Variants in RAB38 observed in about 807,000 individuals in gnomAD.
RAB38 encodes the protein ras-related protein Rab-38.
A neutral mutation model predicts 18.4 loss-of-function variants in RAB38; 15 were observed. The observed-to-expected ratio is 0.82, with a 90% CI of 0.55 to 1.26. RAB38 has a LOEUF of 1.26. Ranked by LOEUF, RAB38 falls within the 50% of genes most tolerant of loss-of-function variation. The pLI is 0.00. For synonymous variants in RAB38, 101 were observed against 104.4 expected (o/e 0.97, Z 0.20); for missense variants, 294 against 267.4 (o/e 1.10, Z -0.69).
the RAB38 span, among the ~76,000 whole-genome samples, chr11:87,948,679 T>C: frequency 7.3e-6 from 1 of 136,608 alleles, no homozygotes; most frequent in Non-Finnish European, 1.6e-5. Context: ...TTTGGTTCTG[T>C]TTATATGCTG....
chr11:87,959,829 A>G, the RAB38 span, among the ~76,000 whole-genome samples: 1 of 152,220 alleles, frequency 6.6e-6, no homozygotes, highest in Non-Finnish European at 1.5e-5. Flanking sequence ...GGGGCAGGGT[A>G]TCACGTCAGA....
At chr11:87,872,295 T>C in the RAB38 span, among the ~76,000 whole-genome samples, 1 of 151,568 alleles carries the variant, frequency 6.6e-6, no homozygotes, top group Non-Finnish European at 1.5e-5. Flanking sequence ...TCCTATAGAC[T>C]ATATTTTTAG....
chr11:87,974,762 A>G, the RAB38 span, among the ~76,000 whole-genome samples: 4 of 151,786 alleles, frequency 2.6e-5, no homozygotes, highest in African/African-American at 9.7e-5. Flanking sequence ...ATTATTATAT[A>G]AATTACAGCT....
chr11:88,173,381 G>A (rs1358514600), intron 1 of RAB38, among the ~76,000 whole-genome samples: 1 of 152,116 alleles, frequency 6.6e-6, no homozygotes, highest in Non-Finnish European at 1.5e-5. Flanking sequence ...TACAAGTAAG[G>A]AAACCAAAAC....
chr11:88,029,468 C>T, the RAB38 span, among the ~76,000 whole-genome samples: 2 of 152,224 alleles, frequency 1.3e-5, no homozygotes, highest in South Asian at 2.1e-4. Context: ...CATCAGTGTG[C>T]GGTATTCAGG....
the RAB38 span, among the ~76,000 whole-genome samples, chr11:87,971,327 T>A: frequency 6.6e-6 from 1 of 152,036 alleles, no homozygotes; most frequent in African/African-American, 2.4e-5. Flanking sequence ...AGGAAGAACA[T>A]TGCTTCAAGG....
the RAB38 span, among the ~76,000 whole-genome samples, chr11:87,819,335 C>G: frequency 2.6e-5 from 4 of 152,118 alleles, no homozygotes; most frequent in Non-Finnish European, 1.5e-5. Flanking sequence ...CACTGCAGCA[C>G]TGCAGATGTA....
At chr11:87,810,474 T>C in the RAB38 span, among the ~76,000 whole-genome samples, 5 of 152,330 alleles carry the variant, frequency 3.3e-5, no homozygotes, top group Admixed American at 6.5e-5. Context: ...TCATCTATGT[T>C]GTATGTACCA....
chr11:87,804,028 A>C, the RAB38 span, among the ~76,000 whole-genome samples: 1 of 151,924 alleles, frequency 6.6e-6, no homozygotes. Flanking sequence ...TGAATTTTTC[A>C]CTCTGATGCA....
chr11:88,040,409 AC>A, the RAB38 span, among the ~76,000 whole-genome samples: 4 of 151,810 alleles, frequency 2.6e-5, no homozygotes, highest in African/African-American at 9.7e-5. Context: ...TACCTTAATT[AC>A]CCCCTTTAAA....
chr11:88,134,228 G>GTA (rs1942803705), intron 2 of RAB38, among the ~76,000 whole-genome samples: 1 of 151,916 alleles, frequency 6.6e-6, no homozygotes, highest in Non-Finnish European at 1.5e-5. Flanking sequence ...TTCAAAAACT[G>GTA]CCAACTCTAT....
At chr11:88,146,093 T>C (rs1942981580) in intron 2 of RAB38, among the ~76,000 whole-genome samples, 1 of 152,200 alleles carries the variant, frequency 6.6e-6, no homozygotes, top group Non-Finnish European at 1.5e-5. Context: ...CTCTCTTAAT[T>C]CACTTGCCAG....
At chr11:88,102,123 C>T in the RAB38 span, among the ~76,000 whole-genome samples, 2 of 151,924 alleles carry the variant, frequency 1.3e-5, no homozygotes, top group Non-Finnish European at 2.9e-5. Context: ...TAACAAGAAC[C>T]AGGATGTATG....
At chr11:88,060,884 G>C in the RAB38 span, among the ~76,000 whole-genome samples, 17 of 152,268 alleles carry the variant, frequency 1.1e-4, no homozygotes, top group African/African-American at 4.1e-4. Context: ...GCTGAATTAT[G>C]TAAGGTGATA....
At chr11:87,806,189 C>G in the RAB38 span, among the ~76,000 whole-genome samples, 1 of 152,090 alleles carries the variant, frequency 6.6e-6, no homozygotes, top group South Asian at 2.1e-4. Context: ...AAGATAGAGA[C>G]TTCATGATAT....
At chr11:88,144,956 G>A (rs1317080306) in intron 2 of RAB38, among the ~76,000 whole-genome samples, 2 of 152,276 alleles carry the variant, frequency 1.3e-5, no homozygotes, top group East Asian at 3.9e-4. Flanking sequence ...GCAGAATGGA[G>A]CAGGCTGGAA....
the RAB38 span, among the ~76,000 whole-genome samples, chr11:88,006,239 G>T: frequency 0.012 from 1,772 of 151,522 alleles, 38 homozygotes; most frequent in African/African-American, 0.041. Flanking sequence ...CCTGACTCCA[G>T]TCAGAATGAC....
the RAB38 span, among the ~76,000 whole-genome samples, chr11:88,069,804 C>T: frequency 3.5e-3 from 525 of 150,508 alleles, 5 homozygotes; most frequent in African/African-American, 0.012. Context: ...GGTTTGTAAA[C>T]GCACCCATCA....
At chr11:88,029,889 T>A in the RAB38 span, among the ~76,000 whole-genome samples, 1 of 152,150 alleles carries the variant, frequency 6.6e-6, no homozygotes, top group Non-Finnish European at 1.5e-5. Flanking sequence ...CTAATAGACA[T>A]CTACAGAACT....
Sources: allele counts gnomAD v4.1 joint callset (sites outside exome capture counted in the v4.1 genomes callset), GRCh38; gene constraint gnomAD v4.1.1; transcripts MANE v1.5; gene names NCBI Gene and HGNC (gene_info 2026-07-23, HGNC 2026-07-21).